The following KCNK10 variants were observed in gnomAD, a reference collection of about 807,000 sequenced individuals.
KCNK10 encodes potassium two pore domain channel subfamily K member 10.
In KCNK10, 25 loss-of-function variants were observed where a neutral mutation model predicts 47.7. The ratio of observed to expected loss-of-function variants is 0.52; its 90% CI spans 0.38 to 0.73. The LOEUF is 0.73. Among genes scored for constraint, KCNK10 ranks in the 30% least tolerant of loss-of-function variants. The pLI is 0.00. For synonymous variants in KCNK10, 303 were observed against 285.6 expected (o/e 1.06, Z -0.61); for missense variants, 563 against 714.5 (o/e 0.79, Z 2.42).
intron 4 of KCNK10, among the ~76,000 whole-genome samples, chr14:88,209,062 G>C (rs1397340308): frequency 6.6e-6 from 1 of 152,162 alleles, no homozygotes; most frequent in Non-Finnish European, 1.5e-5. Context: ...ATCTGAGAGG[G>C]GAAATGATGT....
At position 88,260,652 on chromosome 14, in the gene KCNK10, C is replaced by T. The variant is rs1887083712; in HGVS notation, c.402+2550G>A. On this transcript the variant is annotated intron_variant, in intron 2 of 6. Transcript: ENST00000319231. This position sits in a 1 kb window ranked among gnomAD's most constrained non-coding sequence, Gnocchi z 4.5. ...AAAGTTACTCACCTCTTTAAGGAAA[C>T]TGATGTTTCCTCCCCTGTAAAATGG... 6.6e-6 allele frequency among the ~76,000 whole-genome samples: 1 copy of T among 152,332 alleles called. No homozygotes were observed. The highest frequency in any genetic ancestry group is 1.9e-4 in the East Asian group (1 of 5,188).
intron 4 of KCNK10, among the ~76,000 whole-genome samples, chr14:88,203,873 C>T (rs898618672): frequency 2.0e-5 from 3 of 152,168 alleles, no homozygotes; most frequent in Non-Finnish European, 4.4e-5. Context: ...GTGACAACCC[C>T]TGCCAGTACC....
intron 1 of KCNK10, among the ~76,000 whole-genome samples, chr14:88,265,725 G>C (rs1253176602): frequency 6.6e-6 from 1 of 152,174 alleles, no homozygotes; most frequent in Non-Finnish European, 1.5e-5. Flanking sequence ...CCCGTGGGAG[G>C]TAATTGAAGC....
At chr14:88,193,546 A>G (rs2139829193) in intron 4 of KCNK10, among the ~76,000 whole-genome samples, 1 of 152,354 alleles carries the variant, frequency 6.6e-6, no homozygotes, top group Non-Finnish European at 1.5e-5. Context: ...ACCAGAATGT[A>G]TGGCCTTTCT....
intron 4 of KCNK10, among the ~76,000 whole-genome samples, chr14:88,195,687 T>G (rs1472815570): frequency 1.3e-5 from 2 of 152,196 alleles, no homozygotes; most frequent in Non-Finnish European, 2.9e-5. Context: ...GCCTTCCAAT[T>G]AATTCCATCC....
intron 4 of KCNK10, among the ~76,000 whole-genome samples, chr14:88,218,994 T>C (rs533372805): frequency 6.6e-6 from 1 of 152,294 alleles, no homozygotes; most frequent in East Asian, 1.9e-4. Context: ...CTGACATTAA[T>C]ATTTTCAGCC....
At chr14:88,275,889 G>C (rs28725358) in intron 1 of KCNK10, among the ~76,000 whole-genome samples, 1 of 151,824 alleles carries the variant, frequency 6.6e-6, no homozygotes, top group African/African-American at 2.4e-5. Context: ...GGAACATCCT[G>C]AAAATAGGCT....
rs767351963 is a variant in KCNK10 at position 88,192,302 on chromosome 14, C to T, written c.790G>A (p.Glu264Lys). The T allele has an allele frequency of 6.2e-7, 1 of 1,614,104 alleles. No homozygotes were observed. Among genetic ancestry groups the T allele is most frequent in the Non-Finnish European group, 8.5e-7 (1 of 1,180,014 alleles). The change falls in exon 5 of 7, where the codon GAG becomes AAG. Residue 264 changes from glutamate (E) to lysine (K), a missense_variant. Coordinates refer to ENST00000319231, the MANE Select transcript of KCNK10 (RefSeq NM_138317.3). Reference sequence around the variant, plus strand: ...ATGGACTCCAAGGCCGTCCAGCCCTCGATGTACTTAAAGATGACAGCAGGG... The same window carrying T: ...ATGGACTCCAAGGCCGTCCAGCCCTTGATGTACTTAAAGATGACAGCAGGG... ...TIPAVIFKYI[E>K]GWTALESIYF...
At chr14:88,291,198 C>G (rs926285331) in intron 1 of KCNK10, among the ~76,000 whole-genome samples, 1 of 152,222 alleles carries the variant, frequency 6.6e-6, no homozygotes, top group African/African-American at 2.4e-5. Context: ...TAACTGTGCA[C>G]AGAAGCCAGC....
At chr14:88,297,571 T>C (rs1435606289) in intron 1 of KCNK10, among the ~76,000 whole-genome samples, 1 of 152,226 alleles carries the variant, frequency 6.6e-6, no homozygotes, top group Non-Finnish European at 1.5e-5. Context: ...TAACTTCTCC[T>C]TTCATTTGTA....
At chr14:88,306,240 T>A (rs896364584) in intron 1 of KCNK10, among the ~76,000 whole-genome samples, 1 of 152,158 alleles carries the variant, frequency 6.6e-6, no homozygotes, top group Non-Finnish European at 1.5e-5. Flanking sequence ...ACATAACCAC[T>A]ACCGGAGGCC....
chr14:88,310,413 G>T (rs764148485), intron 1 of KCNK10, among the ~76,000 whole-genome samples: 4 of 151,912 alleles, frequency 2.6e-5, no homozygotes, highest in Non-Finnish European at 4.4e-5. Flanking sequence ...GGAATAACCA[G>T]ATGGATGAGT....
At chr14:88,196,864 A>AAGG (rs1392015342) in intron 4 of KCNK10, among the ~76,000 whole-genome samples, 2 of 152,210 alleles carry the variant, frequency 1.3e-5, no homozygotes, top group Non-Finnish European at 2.9e-5. Flanking sequence ...TCCAAGATTT[A>AAGG]TTTTAGAAGG....
intron 1 of KCNK10, among the ~76,000 whole-genome samples, chr14:88,275,693 C>CAAAAAAAAAA (rs71126972): frequency 3.6e-4 from 26 of 71,886 alleles, no homozygotes; most frequent in East Asian, 5.4e-4. Flanking sequence ...GCTAAAAATA[C>CAAAAAAAAAA]AAAAAAAAAA....
intron 3 of KCNK10, among the ~76,000 whole-genome samples, chr14:88,236,577 C>G (rs1173741682): frequency 6.6e-6 from 1 of 152,144 alleles, no homozygotes; most frequent in African/African-American, 2.4e-5. Flanking sequence ...ATGCAAATAT[C>G]AGGGTAACAA....
chr14:88,313,455 T>G (rs1888368406), intron 1 of KCNK10, among the ~76,000 whole-genome samples: 1 of 152,236 alleles, frequency 6.6e-6, no homozygotes, highest in Non-Finnish European at 1.5e-5. Flanking sequence ...TAAAAAGTGT[T>G]GCCAATTCCA....
intron 2 of KCNK10, among the ~76,000 whole-genome samples, chr14:88,252,705 T>C (rs1566703064): frequency 6.6e-6 from 1 of 152,024 alleles, no homozygotes; most frequent in South Asian, 2.1e-4. Context: ...CACTAAAACA[T>C]GGTAGAGTCA....
chr14:88,201,690 C>A (rs550155507), intron 4 of KCNK10, among the ~76,000 whole-genome samples: 1 of 152,122 alleles, frequency 6.6e-6, no homozygotes, highest in African/African-American at 2.4e-5. Flanking sequence ...GAAGGCTACA[C>A]TGAAGCCTAT....
intron 2 of KCNK10, among the ~76,000 whole-genome samples, chr14:88,245,392 C>T (rs1417800735): frequency 1.3e-5 from 2 of 152,166 alleles, no homozygotes; most frequent in African/African-American, 4.8e-5. Context: ...CAACCTCTCA[C>T]AAAGTGAGGC....
Sources: allele counts gnomAD v4.1 joint callset (sites outside exome capture counted in the v4.1 genomes callset), GRCh38; gene constraint gnomAD v4.1.1; non-coding constraint Gnocchi (gnomAD v3.1); transcripts MANE v1.5; gene names NCBI Gene and HGNC (gene_info 2026-07-23, HGNC 2026-07-21).